The following ARMH3 variants were observed in gnomAD, a reference collection of about 807,000 sequenced individuals.
The protein encoded by ARMH3 is armadillo-like helical domain-containing protein 3.
A neutral mutation model predicts 99.1 loss-of-function variants in ARMH3; 60 were observed. That is an observed-to-expected ratio of 0.61 (90% CI 0.49 to 0.75). ARMH3 has a LOEUF of 0.75. ARMH3 is among the 30% of genes least tolerant of loss of function. The pLI, the probability that ARMH3 is intolerant of heterozygous loss-of-function variation, is 0.00. For missense variants in ARMH3, 679 were observed against 843.1 expected (o/e 0.81, Z 2.41); for synonymous variants, 285 against 292.8 (o/e 0.97, Z 0.27).
chr10:101,854,294 G>A (rs2066680602), intron 24 of ARMH3, among the ~76,000 whole-genome samples: 1 of 152,092 alleles, frequency 6.6e-6, no homozygotes, highest in African/African-American at 2.4e-5. Context: ...GGGAATAAAA[G>A]TTTTTAAGTT....
intron 1 of ARMH3, among the ~76,000 whole-genome samples, chr10:102,049,971 T>TAGTGCAAAACATC (rs2067656026): frequency 6.6e-6 from 1 of 152,142 alleles, no homozygotes; most frequent in Non-Finnish European, 1.5e-5. Context: ...AATGTCCTGT[T>TAGTGCAAAACATC]AGTGCAAAAC....
At chr10:101,979,111 A>G (rs1423622463) in intron 19 of ARMH3, among the ~76,000 whole-genome samples, 1 of 152,118 alleles carries the variant, frequency 6.6e-6, no homozygotes, top group Non-Finnish European at 1.5e-5. Flanking sequence ...CCCAGCCCAG[A>G]TAACAGAGTA....
At chr10:102,050,684 C>G (rs1421322629) in intron 1 of ARMH3, among the ~76,000 whole-genome samples, 1 of 150,986 alleles carries the variant, frequency 6.6e-6, no homozygotes, top group Non-Finnish European at 1.5e-5. Context: ...ATGGTAAAAC[C>G]CCATCTCTAC....
chr10:101,854,157 G>A (rs2066677789), intron 24 of ARMH3, among the ~76,000 whole-genome samples: 1 of 152,062 alleles, frequency 6.6e-6, no homozygotes, highest in African/African-American at 2.4e-5. Context: ...TCCTACTCTT[G>A]TTATGGGACT....
At chr10:102,004,555 G>A (rs1033818134) in intron 14 of ARMH3, among the ~76,000 whole-genome samples, 8 of 152,114 alleles carry the variant, frequency 5.3e-5, no homozygotes, top group Non-Finnish European at 7.4e-5. Flanking sequence ...TCAAGTGTGT[G>A]GGTGGAAGTG....
intron 24 of ARMH3, among the ~76,000 whole-genome samples, chr10:101,856,626 GA>G (rs1266193555): frequency 6.6e-6 from 1 of 151,872 alleles, no homozygotes; most frequent in Admixed American, 6.6e-5. Flanking sequence ...GAATCAGAAG[GA>G]AAAAAAGATA....
chr10:102,020,847 CAAAAAA>C (rs1332174201), intron 8 of ARMH3, among the ~76,000 whole-genome samples: 1 of 67,600 alleles, frequency 1.5e-5, no homozygotes, highest in Non-Finnish European at 2.9e-5. Context: ...GACTCTGTCT[CAAAAAA>C]AAAAAAAAAA....
intron 1 of ARMH3, among the ~76,000 whole-genome samples, chr10:102,054,857 G>A (rs575591774): frequency 2.6e-5 from 4 of 151,918 alleles, no homozygotes; most frequent in East Asian, 1.9e-4. Context: ...TTAGCCGGGC[G>A]TGGTAGCTCA....
chr10:102,010,315 T>C (rs1412628625), intron 11 of ARMH3, among the ~76,000 whole-genome samples: 1 of 152,216 alleles, frequency 6.6e-6, no homozygotes. Flanking sequence ...TGTCCAACTC[T>C]CCTTTTCAGT....
intron 23 of ARMH3, among the ~76,000 whole-genome samples, chr10:101,895,591 A>T (rs1405869468): frequency 6.6e-6 from 1 of 152,136 alleles, no homozygotes; most frequent in Non-Finnish European, 1.5e-5. Flanking sequence ...TAAAAACTGT[A>T]AAATTCTTAA....
At chr10:102,032,323 G>C (rs2067150107) in intron 4 of ARMH3, among the ~76,000 whole-genome samples, 1 of 152,186 alleles carries the variant, frequency 6.6e-6, no homozygotes, top group Non-Finnish European at 1.5e-5. Context: ...TCAAGGAATA[G>C]TTGTTGAATG....
chr10:102,024,706 C>G (rs976921002), intron 6 of ARMH3, among the ~76,000 whole-genome samples: 78 of 151,628 alleles, frequency 5.1e-4, no homozygotes, highest in Non-Finnish European at 1.1e-3. Context: ...GTAATCCCAG[C>G]TACTTGGGAG....
intron 24 of ARMH3, among the ~76,000 whole-genome samples, chr10:101,861,299 G>C (rs1163496794): frequency 6.6e-6 from 1 of 152,144 alleles, no homozygotes; most frequent in Non-Finnish European, 1.5e-5. Flanking sequence ...AATAATATTT[G>C]TGCTGACAGG....
At chr10:102,017,925 C>T (rs2066785583) in intron 8 of ARMH3, among the ~76,000 whole-genome samples, 1 of 152,158 alleles carries the variant, frequency 6.6e-6, no homozygotes, top group Non-Finnish European at 1.5e-5. Flanking sequence ...TTTTGTGTTA[C>T]CCATCACTTT....
intron 15 of ARMH3, 32 bp from the exon 16 acceptor site, chr10:101,995,387 A>T: frequency 1.9e-6 from 3 of 1,570,062 alleles, no homozygotes; most frequent in Non-Finnish European, 2.6e-6. Context: ...TTCTCTGTAA[A>T]TCATCCAGAT....
intron 23 of ARMH3, among the ~76,000 whole-genome samples, chr10:101,918,060 G>GT (rs1843154211): frequency 6.6e-6 from 1 of 151,910 alleles, no homozygotes; most frequent in Non-Finnish European, 1.5e-5. Flanking sequence ...TTGTTTGTTT[G>GT]TTTTTTTAGA....
At chr10:101,960,688 A>T (rs1018959544) in intron 20 of ARMH3, among the ~76,000 whole-genome samples, 1 of 152,004 alleles carries the variant, frequency 6.6e-6, no homozygotes, top group African/African-American at 2.4e-5. Flanking sequence ...CAGGAGTTCG[A>T]GACCAGCCCG....
intron 20 of ARMH3, among the ~76,000 whole-genome samples, chr10:101,968,189 A>C (rs911750798): frequency 6.6e-6 from 1 of 152,128 alleles, no homozygotes; most frequent in African/African-American, 2.4e-5. Flanking sequence ...ACTTTGGGAA[A>C]TGTAGGGTCC....
intron 8 of ARMH3, among the ~76,000 whole-genome samples, chr10:102,022,674 G>A (rs1246694720): frequency 1.5e-4 from 22 of 147,852 alleles, no homozygotes; most frequent in African/African-American, 9.8e-5. Context: ...TCCGCCTCCC[G>A]GGTTCATGCC....
Sources: gnomAD v4.1 joint callset for allele counts (sites outside exome capture counted in the v4.1 genomes callset) on GRCh38, gnomAD v4.1.1 for gene constraint, MANE v1.5 for transcripts, NCBI Gene and HGNC (gene_info 2026-07-23, HGNC 2026-07-21) for gene names.